The following KIF26B variants were observed in gnomAD, a reference collection of about 807,000 sequenced individuals.
The protein encoded by KIF26B is kinesin-like protein KIF26B.
In KIF26B, 63 loss-of-function variants were observed where a neutral mutation model predicts 151.2. That is an observed-to-expected ratio of 0.42 (90% CI 0.34 to 0.51). KIF26B has a LOEUF of 0.51. Among genes scored for constraint, KIF26B ranks in the 20% least tolerant of loss-of-function variants. The pLI is 0.07. For missense variants in KIF26B, 2,813 were observed against 2,913.6 expected, an observed-to-expected ratio of 0.97 and a Z score of 0.79; for synonymous variants, 1,357 against 1,262.1, an observed-to-expected ratio of 1.08 and a Z score of -1.59.
chr1:245,333,756 G>T lies in KIF26B; in HGVS notation c.466-33078G>T, dbSNP rs1043614013. 2.6e-5 allele frequency among the ~76,000 whole-genome samples: 4 copies of T among 152,280 alleles called. No individual in the cohort carries two copies. In the East Asian group the frequency reaches 5.8e-4, roughly 22 times the overall value. ...CTCATACCTGTAATCCCAGCACTTC[G>T]GGAGGCCGATGCCAGCGGATCACTT... On this transcript the variant is annotated intron_variant, in intron 2 of 14. Coordinates refer to ENST00000407071, the MANE Select transcript of KIF26B (RefSeq NM_018012.4).
Position 245,367,324 on chromosome 1 carries a change from G to A in KIF26B, c.956G>A (p.Trp319Ter). 1 of 1,595,868 alleles carries A rather than the reference G, an allele frequency of 6.3e-7. No homozygotes were observed. The highest frequency in any genetic ancestry group is 8.5e-7 in the Non-Finnish European group (1 of 1,171,318). ...GCTCACCAGTACCTGGATGGCACCT[G>A]GTCCCTGTCGAGAACCAACGGGGTC... ...IQAHQYLDGT[W>*]SLSRTNGVTL... Residue 319 changes from tryptophan (W) to a stop codon, truncating the protein, a stop_gained, in exon 3 of 15, where the codon TGG (tryptophan) becomes TAG (stop). Transcript: ENST00000407071. LOFTEE classifies it high-confidence loss of function. The surrounding 1 kb of genome is among the most constrained non-coding windows in gnomAD (Gnocchi z 4.2).
intron 4 of KIF26B, among the ~76,000 whole-genome samples, chr1:245,421,468 G>A (rs867317973): frequency 4.7e-4 from 71 of 152,264 alleles, no homozygotes; most frequent in African/African-American, 1.6e-3. Flanking sequence ...TTGCAATTCC[G>A]ATGGCTTCAG....
Position 245,397,213 on chromosome 1 carries a change from ATT to A in KIF26B, c.1000-22356_1000-22355del, listed in dbSNP as rs10706858. On this transcript the variant is annotated intron_variant, in intron 3 of 14. Transcript: ENST00000407071. ...TCTTGATCCTGTTTTCCACATGTTC[ATT>A]TTTTTTTTTCTTTTTTTGAGACAGA... is the stretch of plus-strand genomic sequence containing the variant. 3.4e-3 allele frequency among the ~76,000 whole-genome samples: 511 copies of A among 148,118 alleles called. 2 individuals are homozygous for A. Among genetic ancestry groups the A allele is most frequent in the African/African-American group, 0.012 (479 of 40,256 alleles).
intron 9 of KIF26B, among the ~76,000 whole-genome samples, chr1:245,627,001 A>G (rs2043731000): frequency 6.6e-6 from 1 of 152,160 alleles, no homozygotes; most frequent in South Asian, 2.1e-4. Flanking sequence ...CCTTTCCCCA[A>G]TGCATGTTCT....
At chr1:245,292,428 A>G (rs1159903946) in intron 2 of KIF26B, among the ~76,000 whole-genome samples, 1 of 152,090 alleles carries the variant, frequency 6.6e-6, no homozygotes, top group African/African-American at 2.4e-5. Flanking sequence ...GTCGCCGTGT[A>G]AGTCCTCAAA....
chr1:245,641,897 G>A (rs1227088620), intron 9 of KIF26B, among the ~76,000 whole-genome samples: 2 of 152,168 alleles, frequency 1.3e-5, no homozygotes, highest in African/African-American at 4.8e-5. Flanking sequence ...TCTACACATT[G>A]AGAGATTAAA....
At chr1:245,311,797 G>T (rs951843795) in intron 2 of KIF26B, among the ~76,000 whole-genome samples, 4 of 152,008 alleles carry the variant, frequency 2.6e-5, no homozygotes, top group Admixed American at 1.3e-4. Context: ...GCCTGGTGTG[G>T]CAGGCGCCTG....
chr1:245,411,552 G>A (rs189523552), intron 3 of KIF26B, among the ~76,000 whole-genome samples: 28 of 152,280 alleles, frequency 1.8e-4, no homozygotes, highest in African/African-American at 5.1e-4. Context: ...CCTCGCCGGG[G>A]GAGTGGCATT....
At chr1:245,490,761 TC>T (rs1231704687) in intron 4 of KIF26B, among the ~76,000 whole-genome samples, 1 of 152,214 alleles carries the variant, frequency 6.6e-6, no homozygotes, top group African/African-American at 2.4e-5. Context: ...GTTTTCTTCC[TC>T]AATACTGAAT....
At chr1:245,537,496 C>T (rs1466349177) in intron 4 of KIF26B, among the ~76,000 whole-genome samples, 4 of 152,052 alleles carry the variant, frequency 2.6e-5, no homozygotes, top group East Asian at 1.9e-4. Context: ...AGGTGGAGAG[C>T]GAGTACAGAA....
chr1:245,434,462 C>G (rs530804645), intron 4 of KIF26B, among the ~76,000 whole-genome samples: 2 of 152,208 alleles, frequency 1.3e-5, no homozygotes, highest in Non-Finnish European at 2.9e-5. Flanking sequence ...CTCCAAGTCC[C>G]TTGGGAATAC....
intron 5 of KIF26B, among the ~76,000 whole-genome samples, chr1:245,598,023 A>G (rs2043352946): frequency 1.3e-5 from 2 of 152,116 alleles, no homozygotes; most frequent in African/African-American, 4.8e-5. Flanking sequence ...CTAGTTAGCA[A>G]TTCCTCTAAC....
At chr1:245,379,200 A>T (rs1558143416) in intron 3 of KIF26B, among the ~76,000 whole-genome samples, 1 of 152,246 alleles carries the variant, frequency 6.6e-6, no homozygotes, top group Non-Finnish European at 1.5e-5. Flanking sequence ...AACTTTCCAT[A>T]TGTACATCAC....
chr1:245,403,792 A>C (rs899812423), intron 3 of KIF26B, among the ~76,000 whole-genome samples: 9 of 152,154 alleles, frequency 5.9e-5, no homozygotes, highest in African/African-American at 2.2e-4. Context: ...TTTAATACTT[A>C]CTCTAAGGGT....
intron 2 of KIF26B, among the ~76,000 whole-genome samples, chr1:245,307,857 C>CA (rs1219554589): frequency 6.6e-6 from 1 of 152,074 alleles, no homozygotes; most frequent in East Asian, 1.9e-4. Flanking sequence ...TCTCCTGCCT[C>CA]AGCCTCCCAA....
intron 2 of KIF26B, among the ~76,000 whole-genome samples, chr1:245,301,501 GC>G (rs1277067476): frequency 1.3e-5 from 2 of 152,140 alleles, no homozygotes; most frequent in East Asian, 3.9e-4. Flanking sequence ...TGGCTGCCTG[GC>G]CAAAGTCTGG....
chr1:245,324,537 A>T lies in KIF26B; in HGVS notation c.466-42297A>T, dbSNP rs186838393. Among the ~76,000 whole-genome samples, 22 of 152,316 alleles carry T rather than the reference A, an allele frequency of 1.4e-4. 1 individual carries two copies. The highest frequency in any genetic ancestry group is 1.4e-3 in the Admixed American group (21 of 15,304). Reference sequence around the variant, plus strand: ...CAGGATGACAGAGGCTGTCGAGAATAAAATGAAGCTGAGTGCTTGTGGTTG... The same window carrying T: ...CAGGATGACAGAGGCTGTCGAGAATTAAATGAAGCTGAGTGCTTGTGGTTG... On this transcript the variant is annotated intron_variant, in intron 2 of 14. Coordinates refer to ENST00000407071, the MANE Select transcript of KIF26B (RefSeq NM_018012.4).
chr1:245,574,246 C>T (rs932822880), intron 5 of KIF26B, among the ~76,000 whole-genome samples: 14 of 152,226 alleles, frequency 9.2e-5, no homozygotes, highest in Admixed American at 2.6e-4. Flanking sequence ...CGGGTTCAAG[C>T]GATTCTTGAG....
intron 4 of KIF26B, among the ~76,000 whole-genome samples, chr1:245,507,871 G>A (rs1660755845): frequency 6.6e-6 from 1 of 152,148 alleles, no homozygotes; most frequent in Non-Finnish European, 1.5e-5. Context: ...GCTTTCTCCT[G>A]TGTTTCAAGA....
Sources: allele counts gnomAD v4.1 joint callset (sites outside exome capture counted in the v4.1 genomes callset), GRCh38; gene constraint gnomAD v4.1.1; non-coding constraint Gnocchi (gnomAD v3.1); transcripts MANE v1.5; gene names NCBI Gene and HGNC (gene_info 2026-07-23, HGNC 2026-07-21).